The following RABGAP1L variants were observed in gnomAD, a reference collection of about 807,000 sequenced individuals.
The protein encoded by RABGAP1L is rab GTPase-activating protein 1-like.
A neutral mutation model predicts 137.7 loss-of-function variants in RABGAP1L; 63 were observed. The ratio of observed to expected loss-of-function variants is 0.46; its 90% CI spans 0.37 to 0.56. The LOEUF (loss-of-function observed/expected upper bound fraction) is 0.56, where lower values mean the gene tolerates loss of function less well. Ranked by LOEUF, RABGAP1L falls within the 20% of genes least tolerant of loss-of-function variation. The probability of loss-of-function intolerance (pLI) is 0.00; values close to 1 mark genes in which losing one functional copy is unlikely to be tolerated. For missense variants in RABGAP1L, 1,095 were observed against 1,244.0 expected, an observed-to-expected ratio of 0.88 and a Z score of 1.80; for synonymous variants, 431 against 433.7, an observed-to-expected ratio of 0.99 and a Z score of 0.08.
intron 19 of RABGAP1L, among the ~76,000 whole-genome samples, chr1:174,926,734 A>T (rs554773717): frequency 6.6e-6 from 1 of 152,200 alleles, no homozygotes; most frequent in South Asian, 2.1e-4. Context: ...TTTTAACTTT[A>T]TATTTATTAC....
At chr1:174,774,526 C>A (rs2148740181) in intron 18 of RABGAP1L, among the ~76,000 whole-genome samples, 1 of 151,956 alleles carries the variant, frequency 6.6e-6, no homozygotes, top group South Asian at 2.1e-4. Flanking sequence ...AGAGTGAGAT[C>A]CTGTCTCAAA....
At chr1:174,742,645 G>A (rs1350615993) in intron 17 of RABGAP1L, among the ~76,000 whole-genome samples, 1 of 152,186 alleles carries the variant, frequency 6.6e-6, no homozygotes, top group Non-Finnish European at 1.5e-5. Context: ...GCTAATAGTA[G>A]CTGATAAGAA....
intron 1 of RABGAP1L, among the ~76,000 whole-genome samples, chr1:174,182,401 C>T (rs1223746750): frequency 6.6e-6 from 1 of 152,054 alleles, no homozygotes; most frequent in Non-Finnish European, 1.5e-5. Context: ...CTTGTCTCTC[C>T]CACCCCTTCA....
At chr1:174,981,982 C>T (rs909550911) in intron 23 of RABGAP1L, among the ~76,000 whole-genome samples, 4 of 152,146 alleles carry the variant, frequency 2.6e-5, no homozygotes, top group Non-Finnish European at 4.4e-5. Flanking sequence ...CCCAAGCTCA[C>T]AAAGCTATAA....
chr1:174,271,922 A>T (rs1423107087), intron 7 of RABGAP1L, among the ~76,000 whole-genome samples: 1 of 151,954 alleles, frequency 6.6e-6, no homozygotes, highest in Non-Finnish European at 1.5e-5. Context: ...CATGCTACTT[A>T]GTGAACATGA....
chr1:174,214,799 A>G (rs1669160225), intron 1 of RABGAP1L, among the ~76,000 whole-genome samples: 1 of 152,192 alleles, frequency 6.6e-6, no homozygotes, highest in Non-Finnish European at 1.5e-5. Context: ...AGAAGGATGA[A>G]ACTGGACCCC....
At chr1:174,649,529 C>A (rs1465768334) in intron 14 of RABGAP1L, among the ~76,000 whole-genome samples, 1 of 152,080 alleles carries the variant, frequency 6.6e-6, no homozygotes. Flanking sequence ...ATATTGGCCC[C>A]CACTCTCTTC....
intron 13 of RABGAP1L, among the ~76,000 whole-genome samples, chr1:174,492,881 T>G (rs1331374762): frequency 6.6e-6 from 1 of 152,080 alleles, no homozygotes; most frequent in East Asian, 1.9e-4. Context: ...CTCTTCCATA[T>G]GTATAAGCAG....
intron 13 of RABGAP1L, among the ~76,000 whole-genome samples, chr1:174,436,230 C>T (rs1653281203): frequency 6.6e-6 from 1 of 152,186 alleles, no homozygotes. Context: ...GGAATTGCCA[C>T]ACTGACTTCC....
chr1:174,164,692 C>T (rs181933097), intron 1 of RABGAP1L, among the ~76,000 whole-genome samples: 395 of 152,328 alleles, frequency 2.6e-3, no homozygotes, highest in Non-Finnish European at 4.4e-3. Context: ...ACATTTATAG[C>T]ACCCCACTGC....
intron 13 of RABGAP1L, among the ~76,000 whole-genome samples, chr1:174,416,608 T>C (rs534067609): frequency 5.3e-5 from 8 of 152,260 alleles, no homozygotes; most frequent in Admixed American, 1.3e-4. Flanking sequence ...CATATAATCC[T>C]AGTAGACAGC....
intron 11 of RABGAP1L, among the ~76,000 whole-genome samples, chr1:174,349,809 G>A (rs1245242525): frequency 1.6e-5 from 2 of 128,094 alleles, no homozygotes; most frequent in African/African-American, 2.7e-5. Context: ...AGGGGCGGCC[G>A]GGCAGAGGCG....
At chr1:174,812,443 A>G (rs945783011) in intron 19 of RABGAP1L, among the ~76,000 whole-genome samples, 8 of 152,218 alleles carry the variant, frequency 5.3e-5, no homozygotes, top group Admixed American at 3.3e-4. Flanking sequence ...AAAGCTAAAC[A>G]CATTTTATAA....
chr1:174,677,791 A>G (rs553338197), intron 14 of RABGAP1L, among the ~76,000 whole-genome samples: 1 of 152,352 alleles, frequency 6.6e-6, no homozygotes, highest in East Asian at 1.9e-4. Flanking sequence ...ATTACTGGCA[A>G]GTTTATAGCT....
Position 174,371,154 on chromosome 1 carries a change from A to G in RABGAP1L, c.1559+82A>G, listed in dbSNP as rs1253135399. The G allele has an allele frequency of 9.6e-6, 7 of 726,900 alleles. No homozygotes were observed. The East Asian group carries it at 1.2e-4, about 12-fold the overall frequency. The allele number at this position is 726,900 out of a possible 1,614,324, so 45.0% of individuals were successfully genotyped here. On this transcript the variant is annotated intron_variant, in intron 12 of 25. Coordinates refer to ENST00000681986, the MANE Select transcript of RABGAP1L (RefSeq NM_001366446.1). Reference sequence around the variant, plus strand: ...GTTGTATTAAAATCTGTGTGTTAAAATAGGTTTTAAAGGATTAATATTAAA... The same window carrying G: ...GTTGTATTAAAATCTGTGTGTTAAAGTAGGTTTTAAAGGATTAATATTAAA...
intron 19 of RABGAP1L, among the ~76,000 whole-genome samples, chr1:174,946,984 A>G (rs1477450923): frequency 1.2e-4 from 15 of 127,884 alleles, no homozygotes; most frequent in African/African-American, 4.2e-4. Flanking sequence ...GTGTGTGTAT[A>G]TATATGTATA....
At position 174,272,416 on chromosome 1, in the gene RABGAP1L, GT is replaced by G; in HGVS notation, c.993del (p.Phe331LeufsTer5). The G allele has an allele frequency of 6.2e-7, 1 of 1,601,446 alleles. No individual in the cohort carries two copies. The highest frequency in any genetic ancestry group is 8.5e-7 in the Non-Finnish European group (1 of 1,175,316). On this transcript the variant is annotated frameshift_variant, in exon 8 of 26. Transcript: ENST00000681986. LOFTEE classifies it high-confidence loss of function. ...TTTTTTTCCCCCAATATTTTCAGATGTTTTGGAATGTTATTAAGCCCAGGTC... is the reference window on the plus strand; with the variant it reads ...TTTTTTTCCCCCAATATTTTCAGATGTTTGGAATGTTATTAAGCCCAGGTC... ...LSNKELAIER[C>X]FGMLLSPGRN...
chr1:174,662,987 T>A (rs1676503897), intron 14 of RABGAP1L, among the ~76,000 whole-genome samples: 1 of 152,202 alleles, frequency 6.6e-6, no homozygotes, highest in African/African-American at 2.4e-5. Context: ...AGCAAAGTAT[T>A]ATTACAAAAG....
intron 13 of RABGAP1L, among the ~76,000 whole-genome samples, chr1:174,489,227 C>T (rs894134557): frequency 3.3e-5 from 5 of 152,098 alleles, no homozygotes; most frequent in African/African-American, 9.7e-5. Flanking sequence ...AAGCTACCAT[C>T]AGAGTGAACA....
Sources: allele counts gnomAD v4.1 joint callset (sites outside exome capture counted in the v4.1 genomes callset), GRCh38; gene constraint gnomAD v4.1.1; transcripts MANE v1.5; gene names NCBI Gene and HGNC (gene_info 2026-07-23, HGNC 2026-07-21).